Variants in SMOC2 observed in about 807,000 individuals in gnomAD.
The protein encoded by SMOC2 is SPARC related modular calcium binding 2.
SMOC2 carries 39 observed loss-of-function variants against 61.4 expected under a neutral mutation model. That is an observed-to-expected ratio of 0.64 (90% CI 0.49 to 0.83). The LOEUF is 0.83. Among genes scored for constraint, SMOC2 ranks in the 40% least tolerant of loss-of-function variants. The pLI is 0.00. For missense variants in SMOC2, 556 were observed against 592.9 expected (o/e 0.94, Z 0.65); for synonymous variants, 247 against 239.9 (o/e 1.03, Z -0.27).
rs73258979 is a variant in SMOC2, at chr6:168,543,975, A to G, written c.511+303A>G. Among the ~76,000 whole-genome samples, 215 of 152,254 alleles carry G rather than the reference A, an allele frequency of 1.4e-3. 2 individuals carry two copies. Among genetic ancestry groups the G allele is most frequent in the African/African-American group, 4.8e-3 (199 of 41,552 alleles). On this transcript the variant is annotated intron_variant, in intron 5 of 12. Transcript: ENST00000356284. ...GTGACTGTGGAGAGGGCTGAGGCTCAGTATTTTGGCTCCCTGTGGGATTCT... is the reference window on the plus strand; with the variant it reads ...GTGACTGTGGAGAGGGCTGAGGCTCGGTATTTTGGCTCCCTGTGGGATTCT...
chr6:168,519,509 TG>T (rs1001371124), intron 2 of SMOC2, among the ~76,000 whole-genome samples: 2 of 152,140 alleles, frequency 1.3e-5, no homozygotes, highest in African/African-American at 4.8e-5. Flanking sequence ...CCTCACAGGC[TG>T]GGGTAGACAT....
intron 1 of SMOC2, among the ~76,000 whole-genome samples, chr6:168,503,994 C>T (rs1782803041): frequency 6.6e-6 from 1 of 152,112 alleles, no homozygotes. Context: ...TCCTCAGGTC[C>T]TCAAGTGATG....
intron 7 of SMOC2, among the ~76,000 whole-genome samples, chr6:168,549,590 G>A (rs941870120): frequency 9.9e-5 from 15 of 152,144 alleles, no homozygotes; most frequent in Non-Finnish European, 8.8e-5. Flanking sequence ...CGTTGAGTGG[G>A]CTGAGGAGGA....
chr6:168,530,738 T>C (rs938724801), intron 4 of SMOC2, among the ~76,000 whole-genome samples: 5 of 146,862 alleles, frequency 3.4e-5, no homozygotes, highest in African/African-American at 1.3e-4. Flanking sequence ...TGGTGGGAAC[T>C]GGTACTGCCC....
chr6:168,616,539 C>T (rs1786099973), intron 9 of SMOC2, among the ~76,000 whole-genome samples: 1 of 152,252 alleles, frequency 6.6e-6, no homozygotes, highest in East Asian at 1.9e-4. Flanking sequence ...GGCAAGAGAC[C>T]GTTCCACATG....
intron 1 of SMOC2, among the ~76,000 whole-genome samples, chr6:168,454,689 A>T (rs1383578862): frequency 6.6e-6 from 1 of 152,156 alleles, no homozygotes; most frequent in Non-Finnish European, 1.5e-5. Context: ...GAAGAAAGGG[A>T]AAAGAAAACC....
intron 2 of SMOC2, among the ~76,000 whole-genome samples, chr6:168,516,753 C>G (rs908533248): frequency 6.6e-6 from 1 of 152,106 alleles, no homozygotes; most frequent in Admixed American, 6.6e-5. Flanking sequence ...AGGAGACCAG[C>G]CTGGCCAGCA....
chr6:168,469,405 T>C (rs1781919296), intron 1 of SMOC2, among the ~76,000 whole-genome samples: 1 of 152,208 alleles, frequency 6.6e-6, no homozygotes, highest in East Asian at 1.9e-4. Flanking sequence ...CTAGGGGTAA[T>C]TTAGTGTGTT....
Position 168,650,771 on chromosome 6 carries a change from C to T in SMOC2, c.998C>T (p.Ser333Phe). The change falls in exon 10 of 13, where the codon TCC becomes TTC. Residue 333 changes from serine to phenylalanine, a missense_variant. Coordinates refer to ENST00000356284, the MANE Select transcript of SMOC2 (RefSeq NM_001166412.2). ...DMVHAASDPSSSSGRLSEPDP... is the reference protein window; with the variant it reads ...DMVHAASDPSFSSGRLSEPDP... The stretch of plus-strand genomic sequence containing the variant: ...GTCCACGCCGCCTCCGACCCCTCCT[C>T]CTCGTCAGGCAGGTACGCTGTGTTC... The T allele has an allele frequency of 6.2e-7, 1 of 1,611,496 alleles. No homozygotes were observed. The highest frequency in any genetic ancestry group is 8.5e-7 in the Non-Finnish European group (1 of 1,179,842).
At chr6:168,477,233 A>G (rs985232286) in intron 1 of SMOC2, among the ~76,000 whole-genome samples, 4 of 152,214 alleles carry the variant, frequency 2.6e-5, no homozygotes, top group African/African-American at 9.6e-5. Flanking sequence ...AATTGCTCAG[A>G]TAGATATCCA....
At chr6:168,545,847 G>A (rs1356272624) in intron 5 of SMOC2, among the ~76,000 whole-genome samples, 1 of 152,154 alleles carries the variant, frequency 6.6e-6, no homozygotes, top group Non-Finnish European at 1.5e-5. Context: ...TTTCAAATAT[G>A]TTCTTTTAAG....
At chr6:168,517,026 C>T (rs550704898) in intron 2 of SMOC2, among the ~76,000 whole-genome samples, 4 of 152,322 alleles carry the variant, frequency 2.6e-5, no homozygotes, top group South Asian at 4.1e-4. Context: ...GAGTGATACA[C>T]GCAGAAGTTT....
rs1330698891 is a variant in SMOC2 at position 168,452,353 on chromosome 6, T to C, written c.84+10899T>C. Among the ~76,000 whole-genome samples, 1 of 152,184 alleles carries C rather than the reference T, an allele frequency of 6.6e-6. No homozygotes were observed. Among genetic ancestry groups the C allele is most frequent in the Non-Finnish European group, 1.5e-5 (1 of 68,038 alleles). On this transcript the variant is annotated intron_variant, in intron 1 of 12. Coordinates refer to ENST00000356284, the MANE Select transcript of SMOC2 (RefSeq NM_001166412.2). The surrounding 1 kb of genome is among the most constrained non-coding windows in gnomAD (Gnocchi z 5.0). ...TTGAAGCAGAATTTTGGTTTTAAAA[T>C]AACCAGAGTAAGCAGGGGGAGTGTG...
rs535723541 is a variant in SMOC2, at chr6:168,591,808, G to A, written c.638-7010G>A. ...TATATGAGAAAATGATGTAGTTAAGGGCCTTCTGAATAGGAAAGAAAAGTG... is the reference window on the plus strand; with the variant it reads ...TATATGAGAAAATGATGTAGTTAAGAGCCTTCTGAATAGGAAAGAAAAGTG... On this transcript the variant is annotated intron_variant, in intron 7 of 12. Transcript: ENST00000356284. Among the ~76,000 whole-genome samples the A allele has an allele frequency of 4.7e-5, 7 of 150,496 alleles. 1 individual carries two copies. Among genetic ancestry groups the A allele is most frequent in the African/African-American group, 1.5e-4 (6 of 41,198 alleles).
chr6:168,664,505 T>TA lies in SMOC2; in HGVS notation c.1323+395dup, dbSNP rs1197483902. ...CTGGGATTACAGGCATGCGCCACCG[T>TA]ACCCGGCTGAATTTTTTCAAGCAAT... On this transcript the variant is annotated intron_variant, in intron 12 of 12. Transcript: ENST00000356284. 1.6e-4 allele frequency: 63 copies of TA among 397,502 alleles called. No individual in the cohort carries two copies. The East Asian group carries it at 4.2e-3, about 27-fold the overall frequency. The allele number at this position is 397,502 out of a possible 1,614,324, so 24.6% of individuals were successfully genotyped here. A position where few individuals can be genotyped will look rare whatever the true frequency, so the allele number is the denominator to read the frequency against.
chr6:168,652,639 G>A (rs1333314187), intron 10 of SMOC2, among the ~76,000 whole-genome samples: 1 of 152,294 alleles, frequency 6.6e-6, no homozygotes, highest in Admixed American at 6.5e-5. Flanking sequence ...GGCGGGTATA[G>A]CTGCATGTGC....
At chr6:168,447,891 GT>G (rs1279093061) in intron 1 of SMOC2, among the ~76,000 whole-genome samples, 2 of 151,472 alleles carry the variant, frequency 1.3e-5, no homozygotes, top group Non-Finnish European at 2.9e-5. Flanking sequence ...AGGGTGTTTT[GT>G]TTATCTCTTA....
At chr6:168,464,218 GAAGGAAGGAAGAA>G (rs1387497999) in intron 1 of SMOC2, among the ~76,000 whole-genome samples, 1 of 150,688 alleles carries the variant, frequency 6.6e-6, no homozygotes, top group Non-Finnish European at 1.5e-5. Flanking sequence ...AGGAAGAAAG[GAAGGAAGGAAGAA>G]AAGGAAGGAA....
At chr6:168,563,348 A>G (rs1784467251) in intron 7 of SMOC2, among the ~76,000 whole-genome samples, 2 of 152,098 alleles carry the variant, frequency 1.3e-5, no homozygotes, top group East Asian at 3.9e-4. Flanking sequence ...GTATGTGTGT[A>G]TATGTATGTG....
Sources: gnomAD v4.1 joint callset for allele counts (sites outside exome capture counted in the v4.1 genomes callset) on GRCh38, gnomAD v4.1.1 for gene constraint, Gnocchi (gnomAD v3.1) non-coding constraint, MANE v1.5 for transcripts, NCBI Gene and HGNC (gene_info 2026-07-23, HGNC 2026-07-21) for gene names.